Variants in MDGA2 observed in about 807,000 individuals in gnomAD.
The protein encoded by MDGA2 is MAM domain containing glycosylphosphatidylinositol anchor 2.
Under a neutral mutation model 117.8 loss-of-function variants are expected in MDGA2, and 40 were observed. That is an observed-to-expected ratio of 0.34 (90% confidence interval 0.26 to 0.44). The LOEUF is 0.44. MDGA2 is among the 20% of genes least tolerant of loss of function. The pLI, the probability that MDGA2 is intolerant of heterozygous loss-of-function variation, is 1.00. For synonymous variants in MDGA2, 452 were observed against 439.0 expected, an observed-to-expected ratio of 1.03 and a Z score of -0.37; for missense variants, 1,123 against 1,250.6, an observed-to-expected ratio of 0.90 and a Z score of 1.54.
chr14:47,043,430 A>G (rs1889147330), intron 7 of MDGA2, among the ~76,000 whole-genome samples: 1 of 152,200 alleles, frequency 6.6e-6, no homozygotes, highest in East Asian at 1.9e-4. Flanking sequence ...GTGGTTTGAA[A>G]ATATGCAGAA....
intron 2 of MDGA2, among the ~76,000 whole-genome samples, chr14:47,231,580 T>A (rs1886691486): frequency 6.6e-6 from 1 of 152,086 alleles, no homozygotes; most frequent in Non-Finnish European, 1.5e-5. Context: ...TCAGCCATTG[T>A]AAAGTTTCCT....
At chr14:47,514,384 C>T (rs1452239115) in intron 1 of MDGA2, among the ~76,000 whole-genome samples, 1 of 151,966 alleles carries the variant, frequency 6.6e-6, no homozygotes, top group East Asian at 1.9e-4. Flanking sequence ...GAAAGCCACT[C>T]TAGACTAAAA....
At chr14:47,576,933 T>C (rs1024978752) in intron 1 of MDGA2, among the ~76,000 whole-genome samples, 1 of 152,050 alleles carries the variant, frequency 6.6e-6, no homozygotes, top group African/African-American at 2.4e-5. Flanking sequence ...TATTTTTTTA[T>C]AGAGATGTGG....
chr14:46,902,277 G>C (rs1297653894), intron 10 of MDGA2, among the ~76,000 whole-genome samples: 2 of 152,074 alleles, frequency 1.3e-5, no homozygotes, highest in Non-Finnish European at 2.9e-5. Flanking sequence ...GTTAACGTAA[G>C]TGGTAATCAG....
chr14:47,005,961 G>A (rs958226472), intron 8 of MDGA2, among the ~76,000 whole-genome samples: 13 of 151,374 alleles, frequency 8.6e-5, no homozygotes, highest in Admixed American at 2.6e-4. Flanking sequence ...GGATGCTGTC[G>A]GCACTTTAAG....
chr14:47,238,521 C>T lies in MDGA2; in HGVS notation c.421-20326G>A, dbSNP rs193088297. ...GTACTCTAAGAAATTCAAGGTCTTA[C>T]GTGCTTACAAAACAAAACAAAACAA... On this transcript the variant is annotated intron_variant, in intron 2 of 16. Transcript: ENST00000399232. Among the ~76,000 whole-genome samples the T allele has an allele frequency of 2.5e-3, 373 of 151,424 alleles. 4 individuals carry two copies. Among genetic ancestry groups the T allele is most frequent in the African/African-American group, 8.5e-3 (353 of 41,348 alleles).
intron 1 of MDGA2, among the ~76,000 whole-genome samples, chr14:47,443,549 T>C (rs988547100): frequency 6.6e-6 from 1 of 152,194 alleles, no homozygotes; most frequent in Non-Finnish European, 1.5e-5. Context: ...ACTATATAAA[T>C]ATTCATTGTT....
At chr14:47,670,871 T>C (rs944581838) in intron 1 of MDGA2, among the ~76,000 whole-genome samples, 1 of 152,118 alleles carries the variant, frequency 6.6e-6, no homozygotes, top group African/African-American at 2.4e-5. Flanking sequence ...CAAAAATCTA[T>C]AGCTTAAGGA....
intron 8 of MDGA2, among the ~76,000 whole-genome samples, chr14:47,002,466 G>A (rs184429557): frequency 4.0e-4 from 61 of 152,060 alleles, no homozygotes; most frequent in African/African-American, 1.3e-3. Flanking sequence ...AGTGGCTCAC[G>A]CCTGTAATCC....
At chr14:47,229,880 T>C (rs981928746) in intron 2 of MDGA2, among the ~76,000 whole-genome samples, 14 of 152,010 alleles carry the variant, frequency 9.2e-5, no homozygotes, top group African/African-American at 3.4e-4. Context: ...TTGGCTGTAA[T>C]GTTTTTCCCA....
intron 1 of MDGA2, chr14:47,342,948 A>G (rs1890674197): frequency 1.7e-6 from 1 of 573,900 alleles, no homozygotes; most frequent in African/African-American, 1.9e-5. Flanking sequence ...ATACCTTCTG[A>G]AGTCACAGTA....
chr14:47,155,147 G>GA, intron 3 of MDGA2, among the ~76,000 whole-genome samples: 1 of 152,190 alleles, frequency 6.6e-6, no homozygotes, highest in Middle Eastern at 3.4e-3. Context: ...ACCTGCCTGC[G>GA]AAAGGAGGTA....
chr14:47,026,478 C>T (rs1391094366), intron 8 of MDGA2, among the ~76,000 whole-genome samples: 4 of 151,954 alleles, frequency 2.6e-5, no homozygotes, highest in African/African-American at 9.7e-5. Context: ...TTTGATAGCA[C>T]TTTATATTTC....
intron 3 of MDGA2, among the ~76,000 whole-genome samples, chr14:47,170,965 T>A (rs930963953): frequency 1.3e-5 from 2 of 152,184 alleles, no homozygotes; most frequent in African/African-American, 4.8e-5. Flanking sequence ...TCTTCTCATA[T>A]ACTTAAATTG....
intron 16 of MDGA2, among the ~76,000 whole-genome samples, chr14:46,844,518 T>C (rs1468607851): frequency 6.6e-6 from 1 of 151,832 alleles, no homozygotes; most frequent in Non-Finnish European, 1.5e-5. Context: ...GAGGCGGAGA[T>C]TGCAGTGAGC....
At chr14:47,067,546 A>G (rs1209270292) in intron 6 of MDGA2, among the ~76,000 whole-genome samples, 1 of 152,192 alleles carries the variant, frequency 6.6e-6, no homozygotes, top group East Asian at 1.9e-4. Context: ...TTATAAAAAT[A>G]TATTTCAGAT....
intron 3 of MDGA2, among the ~76,000 whole-genome samples, chr14:47,172,314 C>T (rs1421835079): frequency 1.3e-5 from 2 of 152,114 alleles, no homozygotes; most frequent in South Asian, 2.1e-4. Flanking sequence ...AAGCACGCAG[C>T]TGGAGATCTC....
In MDGA2 at chr14:47,675,200, G is replaced by A. The variant is rs979160900; in HGVS notation, c.-404C>T. Among the ~76,000 whole-genome samples, 1 of 152,072 alleles carries A rather than the reference G, an allele frequency of 6.6e-6. No individual in the cohort carries two copies. The highest frequency in any genetic ancestry group is 1.5e-5 in the Non-Finnish European group (1 of 68,000). On this transcript the variant is annotated 5_prime_UTR_variant, in exon 1 of 17. Coordinates refer to ENST00000399232, the MANE Select transcript of MDGA2 (RefSeq NM_001113498.3). ...GTCAAGCGGCGACAGCGGCCCGCCC[G>A]CCCGCAGTCCGAAGCCCCCAGCCCT... is the stretch of plus-strand genomic sequence containing the variant.
intron 1 of MDGA2, among the ~76,000 whole-genome samples, chr14:47,426,619 A>G (rs1199412798): frequency 2.0e-5 from 3 of 150,542 alleles, no homozygotes; most frequent in Admixed American, 6.7e-5. Flanking sequence ...TTTTGTAAAA[A>G]ACATATTTTT....
Sources: allele counts gnomAD v4.1 joint callset (sites outside exome capture counted in the v4.1 genomes callset), GRCh38; gene constraint gnomAD v4.1.1; transcripts MANE v1.5; gene names NCBI Gene and HGNC (gene_info 2026-07-23, HGNC 2026-07-21).